Variants in SDK1 observed in about 807,000 individuals in gnomAD.
SDK1 encodes the protein sidekick cell adhesion molecule 1, also known as protein sidekick-1.
A neutral mutation model predicts 245.5 loss-of-function variants in SDK1; 157 were observed. The ratio of observed to expected loss-of-function variants is 0.64; its 90% CI spans 0.56 to 0.73. The LOEUF is 0.73. SDK1 is among the 30% of genes least tolerant of loss of function. The pLI, the probability that SDK1 is intolerant of heterozygous loss-of-function variation, is 0.00. For missense variants in SDK1, 3,583 were observed against 3,002.3 expected (o/e 1.19, Z -4.52); for synonymous variants, 1,647 against 1,278.5 (o/e 1.29, Z -6.15).
intron 1 of SDK1, among the ~76,000 whole-genome samples, chr7:3,609,873 G>T (rs956229161): frequency 6.6e-6 from 1 of 151,532 alleles, no homozygotes; most frequent in Non-Finnish European, 1.5e-5. Flanking sequence ...GCTAATTTTT[G>T]TGTTTTTAGT....
chr7:4,241,613 G>A lies in SDK1; in HGVS notation c.6131-180G>A, dbSNP rs113870878. 1.1e-3 allele frequency among the ~76,000 whole-genome samples: 161 copies of A among 152,344 alleles called. 5 individuals are homozygous for A. The highest frequency in any genetic ancestry group is 3.6e-3 in the African/African-American group (150 of 41,580). On this transcript the variant is annotated intron_variant, in intron 42 of 44. Coordinates refer to ENST00000404826, the MANE Select transcript of SDK1 (RefSeq NM_152744.4). Reference sequence around the variant, plus strand: ...TATTGTCACTTTGCTCCAACACTGTGATCAGTACCTAGCTCTTCTCCCCAG... The same window carrying A: ...TATTGTCACTTTGCTCCAACACTGTAATCAGTACCTAGCTCTTCTCCCCAG...
At position 3,597,547 on chromosome 7, in the gene SDK1, C is replaced by G. The variant is rs556251311; in HGVS notation, c.299-21533C>G. Among the ~76,000 whole-genome samples, 3 of 152,236 alleles carry G rather than the reference C, an allele frequency of 2.0e-5. No homozygotes were observed. The East Asian group carries it at 5.8e-4, about 29-fold the overall frequency. ...TTTTCGAAAGTGTTAGAGAGAACTT[C>G]CTTATTATGCTGGAGTGTCCCATTT... On this transcript the variant is annotated intron_variant, in intron 1 of 44. Transcript: ENST00000404826.
chr7:3,503,761 A>C (rs908730341), intron 1 of SDK1, among the ~76,000 whole-genome samples: 14 of 152,212 alleles, frequency 9.2e-5, no homozygotes, highest in African/African-American at 3.4e-4. Flanking sequence ...GTTCAAGACT[A>C]GTACACTGAA....
intron 20 of SDK1, among the ~76,000 whole-genome samples, chr7:4,075,631 A>G (rs1780621814): frequency 6.6e-6 from 1 of 150,718 alleles, no homozygotes; most frequent in South Asian, 2.1e-4. Context: ...TGATTGATTC[A>G]GGAGCTAGTT....
chr7:3,882,666 A>G (rs995237094), intron 5 of SDK1, among the ~76,000 whole-genome samples: 2 of 152,162 alleles, frequency 1.3e-5, no homozygotes, highest in Admixed American at 6.5e-5. Context: ...ACCTCCTTCC[A>G]TGAACAAACT....
At chr7:3,696,568 G>GT (rs1784576876) in intron 4 of SDK1, among the ~76,000 whole-genome samples, 1 of 78,206 alleles carries the variant, frequency 1.3e-5, no homozygotes, top group Non-Finnish European at 2.9e-5. Flanking sequence ...ACATTTCTCT[G>GT]TGTTTGTGTG....
At chr7:3,360,636 G>T (rs1430503009) in intron 1 of SDK1, among the ~76,000 whole-genome samples, 1 of 152,178 alleles carries the variant, frequency 6.6e-6, no homozygotes, top group African/African-American at 2.4e-5. Context: ...TGACAAGCTG[G>T]CGTTGGATTG....
chr7:4,225,089 G>A (rs1459684267), intron 40 of SDK1, among the ~76,000 whole-genome samples: 1 of 145,378 alleles, frequency 6.9e-6, no homozygotes, highest in Non-Finnish European at 1.5e-5. Context: ...CTGCCTCCCT[G>A]ACTACAGATT....
At chr7:4,131,302 C>G (rs1320845548) in intron 27 of SDK1, among the ~76,000 whole-genome samples, 1 of 152,184 alleles carries the variant, frequency 6.6e-6, no homozygotes, top group Non-Finnish European at 1.5e-5. Context: ...CTCTGCTTTC[C>G]AGCATAATCC....
intron 4 of SDK1, among the ~76,000 whole-genome samples, chr7:3,775,040 G>A (rs1780513557): frequency 6.6e-6 from 1 of 152,324 alleles, no homozygotes; most frequent in South Asian, 2.1e-4. Context: ...ATCGATGGCA[G>A]GGTCAGCTTT....
chr7:3,692,457 G>A (rs1024528651), intron 4 of SDK1, among the ~76,000 whole-genome samples: 1 of 151,992 alleles, frequency 6.6e-6, no homozygotes, highest in African/African-American at 2.4e-5. Context: ...TAAACAGAGA[G>A]GATTTCTTAT....
intron 1 of SDK1, among the ~76,000 whole-genome samples, chr7:3,312,109 A>G (rs1358675800): frequency 6.6e-6 from 1 of 152,190 alleles, no homozygotes; most frequent in Non-Finnish European, 1.5e-5. Flanking sequence ...CATTAGGAAT[A>G]AAAAAGGGAC....
chr7:3,629,617 C>G (rs1562615359), intron 2 of SDK1, among the ~76,000 whole-genome samples: 1 of 152,218 alleles, frequency 6.6e-6, no homozygotes, highest in East Asian at 1.9e-4. Flanking sequence ...AAATACTGCT[C>G]TGGTTCTGCC....
At chr7:3,348,173 G>A (rs1780558930) in intron 1 of SDK1, among the ~76,000 whole-genome samples, 1 of 152,128 alleles carries the variant, frequency 6.6e-6, no homozygotes, top group Non-Finnish European at 1.5e-5. Flanking sequence ...AGGTTTTAAT[G>A]CATAGCCCAG....
At chr7:4,035,164 T>C (rs983958086) in intron 17 of SDK1, among the ~76,000 whole-genome samples, 1 of 151,824 alleles carries the variant, frequency 6.6e-6, no homozygotes, top group Non-Finnish European at 1.5e-5. Flanking sequence ...TTCTTATCTT[T>C]AGTAGAGATG....
chr7:3,509,085 C>CGTGT (rs142827941), intron 1 of SDK1, among the ~76,000 whole-genome samples: 27 of 149,404 alleles, frequency 1.8e-4, no homozygotes, highest in African/African-American at 4.7e-4. Context: ...TGTGTGTGTG[C>CGTGT]GTGTGTGTGT....
intron 44 of SDK1, among the ~76,000 whole-genome samples, chr7:4,246,651 AT>A (rs1175517169): frequency 6.6e-6 from 1 of 151,952 alleles, no homozygotes; most frequent in South Asian, 2.1e-4. Context: ...AAGAAGAGGG[AT>A]TTGCTCACAG....
intron 4 of SDK1, among the ~76,000 whole-genome samples, chr7:3,728,887 C>T (rs981121382): frequency 1.3e-5 from 2 of 152,114 alleles, no homozygotes; most frequent in South Asian, 4.1e-4. Flanking sequence ...GGTCCGTGAG[C>T]CACCGCACTG....
At position 3,574,188 on chromosome 7, in the gene SDK1, C is replaced by G. The variant is rs187484919; in HGVS notation, c.299-44892C>G. ...CTAGAGTGCAGTGGCACAATCTCGG[C>G]TCACTGCAACCTCCACCTCCTAGAT... On this transcript the variant is annotated intron_variant, in intron 1 of 44. Coordinates refer to ENST00000404826, the MANE Select transcript of SDK1 (RefSeq NM_152744.4). Among the ~76,000 whole-genome samples, 9 of 151,690 alleles carry G rather than the reference C, an allele frequency of 5.9e-5. 1 individual carries two copies. In the South Asian group the frequency reaches 8.4e-4, roughly 14 times the overall value.
Sources: allele counts gnomAD v4.1 joint callset (sites outside exome capture counted in the v4.1 genomes callset), GRCh38; gene constraint gnomAD v4.1.1; transcripts MANE v1.5; gene names NCBI Gene and HGNC (gene_info 2026-07-23, HGNC 2026-07-21).